The following SERGEF variants were observed in gnomAD, a reference collection of about 807,000 sequenced individuals.
SERGEF encodes the protein secretion regulating guanine nucleotide exchange factor, also known as secretion-regulating guanine nucleotide exchange factor.
Under a neutral mutation model 50.0 loss-of-function variants are expected in SERGEF, and 51 were observed. That is an observed-to-expected ratio of 1.02 (90% CI 0.81 to 1.29). SERGEF has a LOEUF of 1.29. Among genes scored for constraint, SERGEF ranks in the 50% most tolerant of loss-of-function variants. The pLI is 0.00. For synonymous variants in SERGEF, 205 were observed against 212.4 expected, an observed-to-expected ratio of 0.97 and a Z score of 0.30; for missense variants, 521 against 557.0, an observed-to-expected ratio of 0.94 and a Z score of 0.65.
chr11:17,930,755 T>A (rs1241347063), intron 9 of SERGEF, among the ~76,000 whole-genome samples: 1 of 152,136 alleles, frequency 6.6e-6, no homozygotes, highest in East Asian at 1.9e-4. Context: ...GATGTGTGAT[T>A]TGGGACAAGA....
intron 9 of SERGEF, among the ~76,000 whole-genome samples, chr11:17,906,587 C>G (rs956881980): frequency 2.0e-5 from 3 of 152,146 alleles, no homozygotes; most frequent in African/African-American, 7.2e-5. Flanking sequence ...GCCGCCTCTG[C>G]GCCGCCTTCT....
intron 10 of SERGEF, among the ~76,000 whole-genome samples, chr11:17,842,267 A>G (rs1850516453): frequency 6.6e-6 from 1 of 152,198 alleles, no homozygotes; most frequent in South Asian, 2.1e-4. Context: ...CCAAGCAATC[A>G]TAACAGGTCC....
chr11:17,896,610 A>C, intron 9 of SERGEF, among the ~76,000 whole-genome samples: 1 of 7,230 alleles, frequency 1.4e-4, no homozygotes, highest in Non-Finnish European at 2.5e-4. Flanking sequence ...AGGGGAAGGG[A>C]AGGGGAAGGG....
intron 10 of SERGEF, among the ~76,000 whole-genome samples, chr11:17,876,280 G>A (rs1851234608): frequency 6.6e-6 from 1 of 152,154 alleles, no homozygotes; most frequent in Non-Finnish European, 1.5e-5. Flanking sequence ...AAAATAACAG[G>A]TCTGTCCTCA....
At chr11:17,874,741 G>T (rs1171543489) in intron 10 of SERGEF, among the ~76,000 whole-genome samples, 4 of 152,064 alleles carry the variant, frequency 2.6e-5, no homozygotes, top group Non-Finnish European at 4.4e-5. Flanking sequence ...TGTTTCCAGG[G>T]CTGCTTGGAT....
At chr11:17,990,913 C>T (rs766144784) in intron 7 of SERGEF, among the ~76,000 whole-genome samples, 13 of 152,080 alleles carry the variant, frequency 8.5e-5, no homozygotes, top group Middle Eastern at 3.4e-3. Context: ...ATTACAGGCA[C>T]GTGCCACCAC....
chr11:17,958,947 C>T (rs1852934466), intron 9 of SERGEF, among the ~76,000 whole-genome samples: 2 of 152,160 alleles, frequency 1.3e-5, no homozygotes, highest in African/African-American at 2.4e-5. Flanking sequence ...CAGCTCACTG[C>T]AACCTCTGCC....
At chr11:17,909,818 G>T (rs1440828747) in intron 9 of SERGEF, among the ~76,000 whole-genome samples, 1 of 19,502 alleles carries the variant, frequency 5.1e-5, no homozygotes, top group African/African-American at 2.0e-4. Flanking sequence ...GGAGCTCCTG[G>T]GGGGAAAGTT....
At chr11:17,815,494 A>G (rs1327142829) in intron 10 of SERGEF, among the ~76,000 whole-genome samples, 5 of 151,798 alleles carry the variant, frequency 3.3e-5, no homozygotes, top group African/African-American at 9.7e-5. Context: ...ACATGCCTGT[A>G]GTCCCAGCTA....
intron 9 of SERGEF, among the ~76,000 whole-genome samples, chr11:17,894,595 C>A (rs1280546184): frequency 2.6e-5 from 4 of 152,188 alleles, no homozygotes; most frequent in Non-Finnish European, 1.5e-5. Context: ...TCATTCATTT[C>A]TATCCCCAGT....
chr11:18,006,575 C>T lies in SERGEF; in HGVS notation c.352+16G>A. On this transcript the variant is annotated intron_variant, in intron 3 of 10. Transcript: ENST00000265965. ...AGCCTTTGTGGTGACAAAAATCTAC[C>T]TAGGAGTGAACTCACCTGTGAGCAT... 6.2e-7 allele frequency: 1 copy of T among 1,611,138 alleles called. No homozygotes were observed. Among genetic ancestry groups the T allele is most frequent in the South Asian group, 1.1e-5 (1 of 90,570 alleles).
intron 9 of SERGEF, chr11:17,926,945 C>T: frequency 2.4e-6 from 1 of 419,196 alleles, no homozygotes; most frequent in Non-Finnish European, 4.9e-6. Flanking sequence ...CCCTCCCCAA[C>T]TCACAGGACC....
chr11:17,927,658 G>A (rs920109777), intron 9 of SERGEF, among the ~76,000 whole-genome samples: 8 of 152,274 alleles, frequency 5.3e-5, no homozygotes, highest in East Asian at 3.9e-4. Flanking sequence ...ATAAAGCCCC[G>A]TCTATGCCTG....
intron 10 of SERGEF, among the ~76,000 whole-genome samples, chr11:17,834,201 A>G (rs940398243): frequency 6.6e-6 from 1 of 152,102 alleles, no homozygotes; most frequent in Non-Finnish European, 1.5e-5. Flanking sequence ...TAAGTCCCAT[A>G]AGATCTGATG....
intron 8 of SERGEF, among the ~76,000 whole-genome samples, chr11:17,984,637 G>C (rs1234262853): frequency 6.6e-6 from 1 of 152,184 alleles, no homozygotes; most frequent in East Asian, 1.9e-4. Context: ...GGCTACTGCA[G>C]GATTTAGTTA....
At chr11:17,963,229 A>G (rs1171829343) in intron 8 of SERGEF, among the ~76,000 whole-genome samples, 1 of 149,426 alleles carries the variant, frequency 6.7e-6, no homozygotes, top group Non-Finnish European at 1.5e-5. Flanking sequence ...GAGAGTGAAT[A>G]AGGGTCACAA....
intron 4 of SERGEF, among the ~76,000 whole-genome samples, 154 bp downstream of exon 4, chr11:18,004,287 A>C (rs1321236114): frequency 6.6e-6 from 1 of 152,188 alleles, no homozygotes; most frequent in African/African-American, 2.4e-5. Flanking sequence ...CTCCCAACTT[A>C]ATTTTTCCCA....
At chr11:17,806,262 T>C (rs779094340) in intron 10 of SERGEF, among the ~76,000 whole-genome samples, 7 of 152,214 alleles carry the variant, frequency 4.6e-5, no homozygotes, top group Non-Finnish European at 5.9e-5. Flanking sequence ...TTGGGTACCT[T>C]ATGTATGCAA....
intron 9 of SERGEF, among the ~76,000 whole-genome samples, chr11:17,904,917 T>C (rs1251233654): frequency 6.6e-6 from 1 of 152,204 alleles, no homozygotes; most frequent in African/African-American, 2.4e-5. Flanking sequence ...GTTTCACCTA[T>C]CCTAATGGGT....
Sources: gnomAD v4.1 joint callset for allele counts (sites outside exome capture counted in the v4.1 genomes callset) on GRCh38, gnomAD v4.1.1 for gene constraint, MANE v1.5 for transcripts, NCBI Gene and HGNC (gene_info 2026-07-23, HGNC 2026-07-21) for gene names.